The following TMEFF1 variants were observed in gnomAD, a reference collection of about 807,000 sequenced individuals.
TMEFF1 encodes the protein transmembrane protein with EGF like and two follistatin like domains 1.
A neutral mutation model predicts 47.5 loss-of-function variants in TMEFF1; 20 were observed. The ratio of observed to expected loss-of-function variants is 0.42; its 90% CI spans 0.30 to 0.61. The LOEUF is 0.61. Ranked by LOEUF, TMEFF1 falls within the 20% of genes least tolerant of loss-of-function variation. The pLI, the probability that TMEFF1 is intolerant of heterozygous loss-of-function variation, is 0.19. For synonymous variants in TMEFF1, 162 were observed against 166.3 expected, an observed-to-expected ratio of 0.97 and a Z score of 0.20; for missense variants, 411 against 471.1, an observed-to-expected ratio of 0.87 and a Z score of 1.18.
intron 5 of TMEFF1, among the ~76,000 whole-genome samples, chr9:100,546,803 T>G (rs1838740433): frequency 6.6e-6 from 1 of 152,178 alleles, no homozygotes; most frequent in Non-Finnish European, 1.5e-5. Flanking sequence ...GTATTTTTAT[T>G]TTTGTTTCTC....
intron 7 of TMEFF1, among the ~76,000 whole-genome samples, chr9:100,559,306 C>T (rs911654944): frequency 2.6e-5 from 4 of 152,004 alleles, no homozygotes; most frequent in Admixed American, 1.3e-4. Context: ...CCTTATAAGC[C>T]CTTTGATGAC....
intron 5 of TMEFF1, among the ~76,000 whole-genome samples, chr9:100,531,265 G>A (rs1038914742): frequency 6.6e-4 from 100 of 152,160 alleles, no homozygotes; most frequent in African/African-American, 2.3e-3. Context: ...GAAAATAAAG[G>A]GTATTCAATT....
chr9:100,547,869 T>A lies in TMEFF1; in HGVS notation c.686T>A (p.Ile229Lys). 2 of 1,605,114 alleles carry A rather than the reference T, an allele frequency of 1.2e-6. No individual in the cohort carries two copies. The highest frequency in any genetic ancestry group is 1.7e-6 in the Non-Finnish European group (2 of 1,176,928). The change falls in exon 6 of 10, where the codon ATA becomes AAA. Residue 229 changes from isoleucine (I) to lysine (K), a missense_variant. Ile to Lys is a moderately radical substitution (Grantham distance 102). Transcript: ENST00000374879. ...ASCIKQEQIDIRHLGHCTDTD... is the reference protein window; with the variant it reads ...ASCIKQEQIDKRHLGHCTDTD... ...TGTATAAAGCAAGAACAAATTGATATAAGGCATCTTGGTCATTGCACAGGT... is the reference window on the plus strand; with the variant it reads ...TGTATAAAGCAAGAACAAATTGATAAAAGGCATCTTGGTCATTGCACAGGT...
intron 4 of TMEFF1, among the ~76,000 whole-genome samples, chr9:100,514,845 A>G (rs1042636160): frequency 6.6e-6 from 1 of 152,084 alleles, no homozygotes; most frequent in African/African-American, 2.4e-5. Context: ...AAATGCAAAA[A>G]TTAGCCAGGC....
In TMEFF1 at chr9:100,561,301, G is replaced by GT. The variant is rs1361402193; in HGVS notation, c.776-95dup. 5 of 1,528,254 alleles carry GT rather than the reference G, an allele frequency of 3.3e-6. No homozygotes were observed. The East Asian group carries it at 1.2e-4, about 35-fold the overall frequency. The allele number at this position is 1,528,254 out of a possible 1,614,324, so 94.7% of individuals were successfully genotyped here. The stretch of plus-strand genomic sequence containing the variant: ...TCAAATTGCCAGTAGGTGGTTGACA[G>GT]TGGGTGAATTCATTTGCTGTTTCAG... On this transcript the variant is annotated intron_variant, in intron 7 of 9. Coordinates refer to ENST00000374879, the MANE Select transcript of TMEFF1 (RefSeq NM_003692.5).
rs773869861 is a variant in TMEFF1, at chr9:100,498,748, A to G, written c.197-17A>G. 4.3e-6 allele frequency: 7 copies of G among 1,611,348 alleles called. No homozygotes were observed. In the East Asian group the frequency reaches 8.9e-5, roughly 21 times the overall value. On this transcript the variant is annotated splice_polypyrimidine_tract_variant and intron_variant, in intron 1 of 9. Transcript: ENST00000374879. ...AAAAGCCAAATATATATGTCAAACAATTTTTTTCTTTTGCAGAATTAAATG... is the reference window on the plus strand; with the variant it reads ...AAAAGCCAAATATATATGTCAAACAGTTTTTTTCTTTTGCAGAATTAAATG...
intron 2 of TMEFF1, among the ~76,000 whole-genome samples, chr9:100,502,773 A>G (rs1347153570): frequency 4.6e-5 from 7 of 152,212 alleles, no homozygotes; most frequent in Non-Finnish European, 1.0e-4. Context: ...AAATCCTTCC[A>G]TGATCTGTCT....
chr9:100,521,156 G>A (rs1055667029), intron 5 of TMEFF1, among the ~76,000 whole-genome samples: 2 of 152,222 alleles, frequency 1.3e-5, no homozygotes, highest in Non-Finnish European at 1.5e-5. Flanking sequence ...TCTTCTGAGT[G>A]AAGTGCGTGA....
chr9:100,541,142 A>G lies in TMEFF1; in HGVS notation c.561-6602A>G, dbSNP rs370299351. 2.6e-5 allele frequency among the ~76,000 whole-genome samples: 4 copies of G among 152,292 alleles called. No homozygotes were observed. In the East Asian group the frequency reaches 7.7e-4, roughly 29 times the overall value. On this transcript the variant is annotated intron_variant, in intron 5 of 9. Coordinates refer to ENST00000374879, the MANE Select transcript of TMEFF1 (RefSeq NM_003692.5). ...GAATTAAGGAAATCATCAAACAGAA[A>G]AGGAGAAAAATGATGGACCTCTACC... is the stretch of plus-strand genomic sequence containing the variant.
chr9:100,526,038 A>T (rs1320194499), intron 5 of TMEFF1, among the ~76,000 whole-genome samples: 1 of 152,174 alleles, frequency 6.6e-6, no homozygotes, highest in African/African-American at 2.4e-5. Context: ...AACGTTTGAG[A>T]CCTTGTTTGA....
intron 5 of TMEFF1, among the ~76,000 whole-genome samples, chr9:100,526,575 A>G (rs958556673): frequency 6.6e-6 from 1 of 151,956 alleles, no homozygotes; most frequent in African/African-American, 2.4e-5. Context: ...TTTTTAGAGC[A>G]CTTTACTTTT....
At chr9:100,539,977 G>T (rs1236468909) in intron 5 of TMEFF1, among the ~76,000 whole-genome samples, 1 of 152,162 alleles carries the variant, frequency 6.6e-6, no homozygotes, top group Non-Finnish European at 1.5e-5. Context: ...ACAGAGCGCT[G>T]ATGGGTGTGT....
chr9:100,524,054 C>T (rs1180309117), intron 5 of TMEFF1, among the ~76,000 whole-genome samples: 1 of 152,060 alleles, frequency 6.6e-6, no homozygotes, highest in African/African-American at 2.4e-5. Context: ...CACTCAGTTG[C>T]CTTCACTAGA....
chr9:100,551,601 A>G lies in TMEFF1; in HGVS notation c.775+1441A>G, dbSNP rs62577584. On this transcript the variant is annotated intron_variant, in intron 7 of 9. Transcript: ENST00000374879. Reference sequence around the variant, plus strand: ...AGCACTTGTGTGCCATTGATAATGGATAATTTAGAGCCTAGGCCACTTTTG... The same window carrying G: ...AGCACTTGTGTGCCATTGATAATGGGTAATTTAGAGCCTAGGCCACTTTTG... Among the ~76,000 whole-genome samples the G allele has an allele frequency of 2.6e-3, 391 of 152,304 alleles. 3 individuals are homozygous for G. The highest frequency in any genetic ancestry group is 4.3e-3 in the Non-Finnish European group (293 of 68,018).
At chr9:100,486,442 A>C (rs1341609627) in intron 1 of TMEFF1, among the ~76,000 whole-genome samples, 1 of 151,978 alleles carries the variant, frequency 6.6e-6, no homozygotes, top group Non-Finnish European at 1.5e-5. Flanking sequence ...GGGTTTCACC[A>C]TATTGGCCAG....
At chr9:100,476,455 C>T (rs1255290149) in intron 1 of TMEFF1, among the ~76,000 whole-genome samples, 2 of 147,102 alleles carry the variant, frequency 1.4e-5, no homozygotes, top group African/African-American at 5.0e-5. Context: ...AGTGCAGTGG[C>T]GCAATCCTGG....
intron 5 of TMEFF1, among the ~76,000 whole-genome samples, chr9:100,522,036 C>CAAT (rs1201392843): frequency 2.0e-5 from 3 of 152,270 alleles, no homozygotes; most frequent in Admixed American, 2.0e-4. Context: ...GTCAGTACTA[C>CAAT]AATATGACGA....
At chr9:100,475,106 GGCC>G (rs1426144390) in intron 1 of TMEFF1, among the ~76,000 whole-genome samples, 2 of 152,148 alleles carry the variant, frequency 1.3e-5, no homozygotes, top group African/African-American at 4.8e-5. Flanking sequence ...AGGAACATAA[GGCC>G]ACTGGGAATC....
At chr9:100,568,831 T>C (rs1012207546) in intron 8 of TMEFF1, among the ~76,000 whole-genome samples, 3 of 152,198 alleles carry the variant, frequency 2.0e-5, no homozygotes, top group African/African-American at 7.2e-5. Flanking sequence ...GTATGGGGTC[T>C]CCTGTGTCTA....
Sources: gnomAD v4.1 joint callset for allele counts (sites outside exome capture counted in the v4.1 genomes callset) on GRCh38, gnomAD v4.1.1 for gene constraint, MANE v1.5 for transcripts, NCBI Gene and HGNC (gene_info 2026-07-23, HGNC 2026-07-21) for gene names.